KCNQ1: variants seen among roughly 807,000 people sequenced by gnomAD.
The protein encoded by KCNQ1 is potassium voltage-gated channel subfamily KQT member 1.
In KCNQ1, 49 loss-of-function variants were observed where a neutral mutation model predicts 72.4. The observed-to-expected ratio is 0.68, with a 90% CI of 0.54 to 0.86. The LOEUF is 0.86. KCNQ1 is among the 40% of genes least tolerant of loss of function. The pLI is 0.00. For missense variants in KCNQ1, 790 were observed against 945.1 expected, an observed-to-expected ratio of 0.84 and a Z score of 2.15; for synonymous variants, 450 against 412.6, an observed-to-expected ratio of 1.09 and a Z score of -1.10.
At chr11:2,832,448 A>G (rs1426829644) in intron 15 of KCNQ1, among the ~76,000 whole-genome samples, 3 of 152,316 alleles carry the variant, frequency 2.0e-5, no homozygotes, top group South Asian at 4.1e-4. Context: ...AAGAGGAACC[A>G]GGATACCCAC....
At chr11:2,575,993 G>A (rs1040176797) in intron 6 of KCNQ1, among the ~76,000 whole-genome samples, 5 of 152,360 alleles carry the variant, frequency 3.3e-5, no homozygotes, top group Admixed American at 2.0e-4. Flanking sequence ...CCCGGTGTGC[G>A]GCCGCCTCTT....
chr11:2,511,964 G>A (rs189110324), intron 1 of KCNQ1, among the ~76,000 whole-genome samples: 106 of 152,362 alleles, frequency 7.0e-4, no homozygotes, highest in African/African-American at 2.5e-3. Flanking sequence ...AGGAAGCAGT[G>A]CAGAGGAAGC....
At chr11:2,545,037 A>G (rs556761673) in intron 2 of KCNQ1, among the ~76,000 whole-genome samples, 1 of 152,350 alleles carries the variant, frequency 6.6e-6, no homozygotes, top group Admixed American at 6.5e-5. Context: ...TCTTTGATAC[A>G]TCTTTTGATA....
In KCNQ1 at chr11:2,601,178, C is replaced by T. The variant is rs1031897996; in HGVS notation, c.1393+12324C>T. Among the ~76,000 whole-genome samples, 7 of 151,744 alleles carry T rather than the reference C, an allele frequency of 4.6e-5. No individual in the cohort carries two copies. The highest frequency in any genetic ancestry group is 1.5e-4 in the African/African-American group (6 of 41,284). On this transcript the variant is annotated intron_variant, in intron 10 of 15. Transcript: ENST00000155840. The surrounding 1 kb of genome is among the most constrained non-coding windows in gnomAD (Gnocchi z 5.2). ...AAAAATGATCATTTTCCAACTCTAGCACCCCTTCCACGAAAGTACAGAAAG... is the reference window on the plus strand; with the variant it reads ...AAAAATGATCATTTTCCAACTCTAGTACCCCTTCCACGAAAGTACAGAAAG...
rs1340846564 is a variant in KCNQ1, at chr11:2,720,306, C to G, written c.1515-48538C>G. Among the ~76,000 whole-genome samples, 3 of 152,114 alleles carry G rather than the reference C, an allele frequency of 2.0e-5. No individual in the cohort carries two copies. The highest frequency in any genetic ancestry group is 7.2e-5 in the African/African-American group (3 of 41,432). ...TGAGTGTCCTGGCAGCTCTCCTCATCCATCCTATGTGTACACTCAGGCACG... is the reference window on the plus strand; with the variant it reads ...TGAGTGTCCTGGCAGCTCTCCTCATGCATCCTATGTGTACACTCAGGCACG... On this transcript the variant is annotated intron_variant, in intron 11 of 15. Transcript: ENST00000155840. The surrounding 1 kb of genome is among the most constrained non-coding windows in gnomAD (Gnocchi z 5.1).
chr11:2,825,343 C>T (rs1847817505), intron 15 of KCNQ1, among the ~76,000 whole-genome samples: 2 of 152,194 alleles, frequency 1.3e-5, no homozygotes, highest in South Asian at 4.1e-4. Flanking sequence ...CTTCCGAGCC[C>T]TCAGCCTGCT....
Position 2,620,604 on chromosome 11 carries a change from A to G in KCNQ1, c.1393+31750A>G, listed in dbSNP as rs1014498738. ...CCAATCCACCACTGATGGGCATCTA[A>G]GTGGATTCCATGTCTTTGCTGTTGT... On this transcript the variant is annotated intron_variant, in intron 10 of 15. Coordinates refer to ENST00000155840, the MANE Select transcript of KCNQ1 (RefSeq NM_000218.3). This position sits in a 1 kb window ranked among gnomAD's most constrained non-coding sequence, Gnocchi z 4.5. 1 of 397,604 alleles carries G rather than the reference A, an allele frequency of 2.5e-6. No homozygotes were observed. The highest frequency in any genetic ancestry group is 4.4e-6 in the Non-Finnish European group (1 of 225,916). The allele number at this position is 397,604 out of a possible 1,614,324, so 24.6% of individuals were successfully genotyped here.
intron 15 of KCNQ1, among the ~76,000 whole-genome samples, chr11:2,844,482 G>A (rs1231044056): frequency 2.6e-5 from 4 of 152,228 alleles, no homozygotes; most frequent in African/African-American, 7.2e-5. Flanking sequence ...ATGGGCTGAC[G>A]CTGGCCCAGG....
rs1342843801 is a variant in KCNQ1 at position 2,451,842 on chromosome 11, C to CA, written c.386+6359dup. Among the ~76,000 whole-genome samples the CA allele has an allele frequency of 6.6e-6, 1 of 152,214 alleles. No homozygotes were observed. The highest frequency in any genetic ancestry group is 1.5e-5 in the Non-Finnish European group (1 of 68,046). ...AGGCCTGGCCACTTTGCTCATGCCA[C>CA]ACCCAGAAAGCCCTCAGGACACCCA... is the stretch of plus-strand genomic sequence containing the variant. On this transcript the variant is annotated intron_variant, in intron 1 of 15. Coordinates refer to ENST00000155840, the MANE Select transcript of KCNQ1 (RefSeq NM_000218.3). The surrounding 1 kb of genome is among the most constrained non-coding windows in gnomAD (Gnocchi z 6.4).
intron 15 of KCNQ1, chr11:2,840,304 G>A (rs1848180982): frequency 6.5e-6 from 1 of 152,774 alleles, no homozygotes; most frequent in Non-Finnish European, 1.5e-5. Context: ...TGACAGAGGA[G>A]GAAGAAAATC....
In KCNQ1 at chr11:2,497,476, A is replaced by G. The variant is rs1846942299; in HGVS notation, c.387-30452A>G. On this transcript the variant is annotated intron_variant, in intron 1 of 15. Coordinates refer to ENST00000155840, the MANE Select transcript of KCNQ1 (RefSeq NM_000218.3). The surrounding 1 kb of genome is among the most constrained non-coding windows in gnomAD (Gnocchi z 4.5). ...TTCATTTGGCTATTGATACTTGTGT[A>G]TGCATCACAAAGTTCTCATGCTGTG... Among the ~76,000 whole-genome samples the G allele has an allele frequency of 6.6e-6, 1 of 152,048 alleles. No individual in the cohort carries two copies. Among genetic ancestry groups the G allele is most frequent in the Non-Finnish European group, 1.5e-5 (1 of 68,010 alleles).
rs1180457891 is a variant in KCNQ1 at position 2,620,536 on chromosome 11, C to G, written c.1393+31682C>G. ...TGGCCGAATTCATTCATTTTTATGG[C>G]TGCATAGTATTCCATGGTGTACATG... is the stretch of plus-strand genomic sequence containing the variant. On this transcript the variant is annotated intron_variant, in intron 10 of 15. Coordinates refer to ENST00000155840, the MANE Select transcript of KCNQ1 (RefSeq NM_000218.3). This position sits in a 1 kb window ranked among gnomAD's most constrained non-coding sequence, Gnocchi z 4.5. 4.6e-5 allele frequency: 18 copies of G among 393,632 alleles called. No homozygotes were observed. The highest frequency in any genetic ancestry group is 7.2e-5 in the Non-Finnish European group (16 of 223,612). 24.4% of individuals were successfully genotyped at this position (393,632 alleles called of 1,614,324 possible).
At position 2,617,853 on chromosome 11, in the gene KCNQ1, G is replaced by C; in HGVS notation, c.1393+28999G>C. 1 of 398,448 alleles carries C rather than the reference G, an allele frequency of 2.5e-6. No homozygotes were observed. The highest frequency in any genetic ancestry group is 4.4e-6 in the Non-Finnish European group (1 of 225,994). The allele number at this position is 398,448 out of a possible 1,614,324, so 24.7% of individuals were successfully genotyped here. A position where few individuals can be genotyped will look rare whatever the true frequency, so the allele number is the denominator to read the frequency against. ...ACTTCTTTGCAAAAATGTCTACTCA[G>C]TTCCACTGCCCATTTTTTAATTGGG... is the stretch of plus-strand genomic sequence containing the variant. On this transcript the variant is annotated intron_variant, in intron 10 of 15. Transcript: ENST00000155840. This position sits in a 1 kb window ranked among gnomAD's most constrained non-coding sequence, Gnocchi z 4.6.
rs562619988 is a variant in KCNQ1 at position 2,722,628 on chromosome 11, C to T, written c.1515-46216C>T. On this transcript the variant is annotated intron_variant, in intron 11 of 15. Coordinates refer to ENST00000155840, the MANE Select transcript of KCNQ1 (RefSeq NM_000218.3). ...GAGGTCCTAGGGGAGCTGATGAGAG[C>T]GATGCCGTAGCCAGGGTCGGCAGTG... is the stretch of plus-strand genomic sequence containing the variant. 5.3e-5 allele frequency among the ~76,000 whole-genome samples: 8 copies of T among 152,250 alleles called. No homozygotes were observed. The South Asian group carries it at 1.2e-3, about 24-fold the overall frequency.
At chr11:2,576,906 T>C (rs1268550492) in intron 6 of KCNQ1, among the ~76,000 whole-genome samples, 1 of 152,030 alleles carries the variant, frequency 6.6e-6, no homozygotes, top group Non-Finnish European at 1.5e-5. Flanking sequence ...TGGAGTTCCG[T>C]GCAAAGGGGA....
In KCNQ1 at chr11:2,602,884, C is replaced by T. The variant is rs1176848625; in HGVS notation, c.1393+14030C>T. Among the ~76,000 whole-genome samples the T allele has an allele frequency of 6.6e-6, 1 of 152,212 alleles. No individual in the cohort carries two copies. The highest frequency in any genetic ancestry group is 1.5e-5 in the Non-Finnish European group (1 of 68,038). On this transcript the variant is annotated intron_variant, in intron 10 of 15. Coordinates refer to ENST00000155840, the MANE Select transcript of KCNQ1 (RefSeq NM_000218.3). This position sits in a 1 kb window ranked among gnomAD's most constrained non-coding sequence, Gnocchi z 4.8. The stretch of plus-strand genomic sequence containing the variant: ...GTAGCTTTCATTGTCATCATCTCAA[C>T]AGGGTACTTTACAGAGCAAACATTT...
At position 2,611,721 on chromosome 11, in the gene KCNQ1, TATGG is replaced by T; in HGVS notation, c.1393+22869_1393+22872del. The T allele has an allele frequency of 5.0e-6, 2 of 398,568 alleles. No homozygotes were observed. Among genetic ancestry groups the T allele is most frequent in the Non-Finnish European group, 8.8e-6 (2 of 226,032 alleles). 24.7% of individuals were successfully genotyped at this position (398,568 alleles called of 1,614,324 possible). On this transcript the variant is annotated intron_variant, in intron 10 of 15. Coordinates refer to ENST00000155840, the MANE Select transcript of KCNQ1 (RefSeq NM_000218.3). This position sits in a 1 kb window ranked among gnomAD's most constrained non-coding sequence, Gnocchi z 5.3. ...CACTTATATGTAATATAATTATTGA[TATGG>T]AAGGATTTATATCTACCATGTTGTT...
At position 2,561,131 on chromosome 11, in the gene KCNQ1, G is replaced by GA. The variant is rs1250030389; in HGVS notation, c.478-9497_478-9496insA. Among the ~76,000 whole-genome samples the GA allele has an allele frequency of 9.3e-5, 14 of 151,120 alleles. No homozygotes were observed. The East Asian group carries it at 2.5e-3, about 27-fold the overall frequency. On this transcript the variant is annotated intron_variant, in intron 2 of 15. Coordinates refer to ENST00000155840, the MANE Select transcript of KCNQ1 (RefSeq NM_000218.3). ...GCAGTAGAATGGTGTGAACCCCAGG[G>GA]GGTGGAGCCTGCAGTGAGCCGAGAT...
At chr11:2,573,054 G>A in intron 6 of KCNQ1, 68 bp downstream of exon 6, 7 of 1,555,454 alleles carry the variant, frequency 4.5e-6, no homozygotes, top group Non-Finnish European at 6.1e-6. Flanking sequence ...GGACATCTGG[G>A]CACTGGTGTC....
Sources: allele counts gnomAD v4.1 joint callset (sites outside exome capture counted in the v4.1 genomes callset), GRCh38; gene constraint gnomAD v4.1.1; non-coding constraint Gnocchi (gnomAD v3.1); transcripts MANE v1.5; gene names NCBI Gene and HGNC (gene_info 2026-07-23, HGNC 2026-07-21).